Variants in TENM3 observed in about 807,000 individuals in gnomAD.
The protein encoded by TENM3 is teneurin transmembrane protein 3.
Under a neutral mutation model 255.1 loss-of-function variants are expected in TENM3, and 63 were observed. That is an observed-to-expected ratio of 0.25 (90% CI 0.20 to 0.30). The LOEUF (loss-of-function observed/expected upper bound fraction) is 0.30, where lower values mean the gene tolerates loss of function less well. TENM3 is among the 10% of genes least tolerant of loss of function. TENM3 has a pLI of 1.00. For missense variants in TENM3, 2,929 were observed against 3,461.1 expected (o/e 0.85, Z 3.86); for synonymous variants, 1,306 against 1,322.3 (o/e 0.99, Z 0.27).
chr4:181,933,967 G>A, the TENM3 span, among the ~76,000 whole-genome samples: 2 of 151,878 alleles, frequency 1.3e-5, no homozygotes, highest in East Asian at 3.8e-4. Context: ...GCTCAAATCA[G>A]TTATTAGGTT....
At chr4:182,525,972 CT>C (rs1186967330) in intron 3 of TENM3, among the ~76,000 whole-genome samples, 1 of 152,052 alleles carries the variant, frequency 6.6e-6, no homozygotes, top group African/African-American at 2.4e-5. Flanking sequence ...CTCTTTCTTT[CT>C]TTCCTTTTTT....
chr4:182,351,572 T>C (rs1231827553), intron 3 of TENM3, among the ~76,000 whole-genome samples: 1 of 152,196 alleles, frequency 6.6e-6, no homozygotes, highest in East Asian at 1.9e-4. Flanking sequence ...TGGAGTCTAG[T>C]TCCTTCTTCC....
the TENM3 span, among the ~76,000 whole-genome samples, chr4:181,545,586 A>G: frequency 2.0e-5 from 3 of 152,256 alleles, no homozygotes; most frequent in Non-Finnish European, 4.4e-5. Context: ...TTTAAGTGAC[A>G]AATCAAGAGG....
At chr4:181,655,079 C>T in the TENM3 span, among the ~76,000 whole-genome samples, 1 of 152,102 alleles carries the variant, frequency 6.6e-6, no homozygotes, top group Non-Finnish European at 1.5e-5. Context: ...GGGAGGAAGC[C>T]CTGGAACCCA....
chr4:182,073,722 A>C, the TENM3 span, among the ~76,000 whole-genome samples: 1 of 152,174 alleles, frequency 6.6e-6, no homozygotes, highest in Admixed American at 6.5e-5. Flanking sequence ...ACTTCATCAC[A>C]CAGGTTCTCT....
At chr4:182,442,271 A>G (rs1015085520) in intron 3 of TENM3, among the ~76,000 whole-genome samples, 3 of 152,218 alleles carry the variant, frequency 2.0e-5, no homozygotes, top group Non-Finnish European at 4.4e-5. Flanking sequence ...TATTATCTAA[A>G]TTTATTTGTC....
chr4:182,580,389 G>A (rs1456363822), intron 3 of TENM3, among the ~76,000 whole-genome samples: 1 of 151,932 alleles, frequency 6.6e-6, no homozygotes, highest in Non-Finnish European at 1.5e-5. Context: ...CGGCTCTCAT[G>A]TTTTGAAAAA....
chr4:181,719,863 C>CCT, the TENM3 span, among the ~76,000 whole-genome samples: 136 of 152,206 alleles, frequency 8.9e-4, no homozygotes, highest in Admixed American at 1.4e-3. Flanking sequence ...TCTGTAAATA[C>CCT]CTCTGGGTCT....
chr4:182,126,626 C>A, the TENM3 span, among the ~76,000 whole-genome samples: 49 of 152,262 alleles, frequency 3.2e-4, no homozygotes, highest in Non-Finnish European at 5.4e-4. Flanking sequence ...GGACTCTGAG[C>A]CAGACTTGCC....
chr4:182,347,399 G>A (rs972125456), intron 3 of TENM3, among the ~76,000 whole-genome samples: 12 of 152,138 alleles, frequency 7.9e-5, no homozygotes, highest in Non-Finnish European at 1.5e-4. Context: ...TGAGCACGCA[G>A]AATAGTTTAT....
chr4:182,740,779 C>A lies in TENM3; in HGVS notation c.3379+2235C>A, dbSNP rs1212435251. Reference sequence around the variant, plus strand: ...TGTATAATATAAATACACACATATTCTAAACCAGAATAACATATGGGTAAC... The same window carrying A: ...TGTATAATATAAATACACACATATTATAAACCAGAATAACATATGGGTAAC... On this transcript the variant is annotated intron_variant, in intron 18 of 27. Coordinates refer to ENST00000511685, the MANE Select transcript of TENM3 (RefSeq NM_001080477.4). Among the ~76,000 whole-genome samples, 4 of 152,242 alleles carry A rather than the reference C, an allele frequency of 2.6e-5. No individual in the cohort carries two copies. The East Asian group carries it at 7.7e-4, about 29-fold the overall frequency.
the TENM3 span, among the ~76,000 whole-genome samples, chr4:181,922,433 A>G: frequency 6.6e-6 from 1 of 152,292 alleles, no homozygotes; most frequent in East Asian, 1.9e-4. Flanking sequence ...GTCTATTCAG[A>G]AATTCAACTT....
the TENM3 span, among the ~76,000 whole-genome samples, chr4:181,488,438 C>A: frequency 6.6e-6 from 1 of 152,258 alleles, no homozygotes; most frequent in South Asian, 2.1e-4. Context: ...ACAGGGTGAA[C>A]ATCACCTCTT....
intron 3 of TENM3, among the ~76,000 whole-genome samples, chr4:182,424,491 A>G (rs751897764): frequency 6.0e-5 from 9 of 150,644 alleles, no homozygotes; most frequent in Admixed American, 3.3e-4. Context: ...GACTATTACT[A>G]TCATCTCTAG....
intron 1 of TENM3, among the ~76,000 whole-genome samples, chr4:182,234,645 T>C (rs1396388062): frequency 6.6e-6 from 1 of 151,774 alleles, no homozygotes; most frequent in African/African-American, 2.4e-5. Context: ...GGCAGGAGAA[T>C]CACTTGAACC....
intron 3 of TENM3, among the ~76,000 whole-genome samples, chr4:182,561,414 G>A (rs530004121): frequency 5.9e-5 from 9 of 151,568 alleles, no homozygotes; most frequent in African/African-American, 2.2e-4. Flanking sequence ...GAACTATGCA[G>A]TACAATCTTG....
intron 25 of TENM3, among the ~76,000 whole-genome samples, chr4:182,791,354 A>G (rs888628575): frequency 5.3e-5 from 8 of 152,226 alleles, no homozygotes; most frequent in Non-Finnish European, 1.2e-4. Flanking sequence ...AAGCTTCCTC[A>G]GAGGGAAGAG....
At chr4:182,292,166 T>A (rs1260227431) in intron 1 of TENM3, among the ~76,000 whole-genome samples, 1 of 152,152 alleles carries the variant, frequency 6.6e-6, no homozygotes, top group Non-Finnish European at 1.5e-5. Flanking sequence ...AAAAATATGA[T>A]GCTATAAAGA....
the TENM3 span, among the ~76,000 whole-genome samples, chr4:181,555,024 T>G: frequency 6.6e-6 from 1 of 152,218 alleles, no homozygotes; most frequent in Admixed American, 6.5e-5. Flanking sequence ...AATTTTATAT[T>G]TTTATCATTT....
Sources: allele counts gnomAD v4.1 joint callset (sites outside exome capture counted in the v4.1 genomes callset), GRCh38; gene constraint gnomAD v4.1.1; transcripts MANE v1.5; gene names NCBI Gene and HGNC (gene_info 2026-07-23, HGNC 2026-07-21).